The following EIF3H variants were observed in gnomAD, a reference collection of about 807,000 sequenced individuals.
EIF3H encodes eukaryotic translation initiation factor 3 subunit H, also known as eIF-3-gamma.
A neutral mutation model predicts 44.2 loss-of-function variants in EIF3H; 26 were observed. The ratio of observed to expected loss-of-function variants is 0.59; its 90% CI spans 0.43 to 0.82. The LOEUF is 0.82. Ranked by LOEUF, EIF3H falls within the 40% of genes least tolerant of loss-of-function variation. EIF3H has a pLI of 0.00. For synonymous variants in EIF3H, 166 were observed against 151.9 expected (o/e 1.09, Z -0.68); for missense variants, 359 against 432.8 (o/e 0.83, Z 1.51).
intron 2 of EIF3H, among the ~76,000 whole-genome samples, chr8:116,698,482 G>A (rs2130875164): frequency 6.6e-6 from 1 of 152,260 alleles, no homozygotes; most frequent in East Asian, 1.9e-4. Flanking sequence ...TCTTAAAACA[G>A]ATCTAAATAA....
intron 2 of EIF3H, among the ~76,000 whole-genome samples, chr8:116,662,464 A>C (rs1813599865): frequency 6.6e-6 from 1 of 152,184 alleles, no homozygotes; most frequent in African/African-American, 2.4e-5. Context: ...CTTTGATGTA[A>C]TAAGGTAAAA....
At chr8:116,745,087 C>G (rs1815209315) in intron 1 of EIF3H, among the ~76,000 whole-genome samples, 1 of 152,094 alleles carries the variant, frequency 6.6e-6, no homozygotes, top group African/African-American at 2.4e-5. Flanking sequence ...GACAAGAAGG[C>G]AAAAGATAAA....
chr8:116,740,053 T>C (rs981942506), intron 1 of EIF3H, among the ~76,000 whole-genome samples: 3 of 152,190 alleles, frequency 2.0e-5, no homozygotes, highest in Non-Finnish European at 2.9e-5. Flanking sequence ...CAAACTACTA[T>C]AATAAAAGTT....
chr8:116,665,536 AAAGC>A (rs1438899046), intron 2 of EIF3H, among the ~76,000 whole-genome samples: 1 of 152,210 alleles, frequency 6.6e-6, no homozygotes, highest in Non-Finnish European at 1.5e-5. Context: ...AATAGCTTAA[AAAGC>A]AAGCAAACAA....
At chr8:116,730,756 G>T (rs200122812) in intron 1 of EIF3H, among the ~76,000 whole-genome samples, 2 of 152,142 alleles carry the variant, frequency 1.3e-5, no homozygotes, top group Non-Finnish European at 2.9e-5. Flanking sequence ...ACCTAACACA[G>T]ATACTGGCAC....
At chr8:116,648,753 A>C (rs1813344630) in intron 6 of EIF3H, 53 bp downstream of exon 6, 6 of 1,528,602 alleles carry the variant, frequency 3.9e-6, no homozygotes, top group Non-Finnish European at 5.3e-6. Context: ...ATGACTCTTG[A>C]AATACATGAA....
At chr8:116,740,108 G>A (rs1416248981) in intron 1 of EIF3H, among the ~76,000 whole-genome samples, 1 of 152,190 alleles carries the variant, frequency 6.6e-6, no homozygotes, top group Admixed American at 6.5e-5. Context: ...GTGCAGACCA[G>A]TGTTCCCAAA....
intron 2 of EIF3H, among the ~76,000 whole-genome samples, chr8:116,686,764 C>T (rs771330954): frequency 3.4e-4 from 51 of 151,812 alleles, no homozygotes; most frequent in African/African-American, 1.1e-3. Context: ...CTAGGTTTTG[C>T]GGGATGGGCA....
chr8:116,671,822 T>C (rs1027234017), intron 2 of EIF3H, among the ~76,000 whole-genome samples: 3 of 152,202 alleles, frequency 2.0e-5, no homozygotes, highest in African/African-American at 7.2e-5. Context: ...CACCAAAAAA[T>C]TGAGCTTGGA....
At chr8:116,689,334 G>A (rs1405608086) in intron 2 of EIF3H, among the ~76,000 whole-genome samples, 2 of 152,086 alleles carry the variant, frequency 1.3e-5, no homozygotes, top group South Asian at 2.1e-4. Context: ...TGACGCTAGC[G>A]ATGGATGCAC....
intron 1 of EIF3H, among the ~76,000 whole-genome samples, chr8:116,750,054 G>A (rs1322863013): frequency 6.6e-6 from 1 of 152,292 alleles, no homozygotes; most frequent in Non-Finnish European, 1.5e-5. Context: ...GACTGAGAAT[G>A]GTCATGAGAG....
intron 2 of EIF3H, among the ~76,000 whole-genome samples, chr8:116,686,723 GA>G (rs1313866617): frequency 6.6e-6 from 1 of 152,104 alleles, no homozygotes; most frequent in African/African-American, 2.4e-5. Flanking sequence ...GGGGAATTAG[GA>G]AAGGCTTTGC....
upstream of EIF3H, chr8:116,755,987 T>C (rs1383857595): frequency 6.5e-7 from 1 of 1,536,254 alleles, no homozygotes; most frequent in Admixed American, 2.0e-5. Context: ...GCATGCCTAC[T>C]GTACATTTTC....
At chr8:116,726,918 A>G (rs1814851974) in intron 1 of EIF3H, among the ~76,000 whole-genome samples, 1 of 152,238 alleles carries the variant, frequency 6.6e-6, no homozygotes, top group Non-Finnish European at 1.5e-5. Flanking sequence ...ATATATGTAA[A>G]GTGTTTTATA....
chr8:116,756,101 T>G, upstream of EIF3H: 1 of 1,169,072 alleles, frequency 8.6e-7, no homozygotes, highest in Non-Finnish European at 1.2e-6. Flanking sequence ...TTCGCATTAT[T>G]TCTGTAGTGT....
chr8:116,744,461 A>G (rs1815198452), intron 1 of EIF3H, among the ~76,000 whole-genome samples: 1 of 152,230 alleles, frequency 6.6e-6, no homozygotes, highest in Non-Finnish European at 1.5e-5. Context: ...TGGTACCAAC[A>G]TTAACAAGAA....
intron 2 of EIF3H, among the ~76,000 whole-genome samples, chr8:116,664,934 G>A (rs1813644251): frequency 6.6e-6 from 1 of 151,128 alleles, no homozygotes; most frequent in Non-Finnish European, 1.5e-5. Context: ...CACTTAGTGA[G>A]CACTTATTAT....
intron 2 of EIF3H, among the ~76,000 whole-genome samples, chr8:116,672,313 T>C (rs1335907406): frequency 6.6e-6 from 1 of 151,926 alleles, no homozygotes; most frequent in Non-Finnish European, 1.5e-5. Context: ...TAACCTGAAA[T>C]GAAAAGAAAA....
At position 116,644,169 on chromosome 8, in the gene EIF3H, C is replaced by T. The variant is rs1813263126; in HGVS notation, c.*837G>A. On this transcript the variant is annotated 3_prime_UTR_variant, in exon 8 of 8. Coordinates refer to ENST00000521861, the MANE Select transcript of EIF3H (RefSeq NM_003756.3). Reference sequence around the variant, plus strand: ...CTTTGGGAGACAGAAGCAGGTGAATCACTTGAGGTCAGGAGATGCAGACCA... The same window carrying T: ...CTTTGGGAGACAGAAGCAGGTGAATTACTTGAGGTCAGGAGATGCAGACCA... 1 of 152,230 alleles carries T rather than the reference C, an allele frequency of 6.6e-6. No individual in the cohort carries two copies. Among genetic ancestry groups the T allele is most frequent in the Non-Finnish European group, 1.5e-5 (1 of 68,132 alleles). The allele number at this position is 152,230 out of a possible 1,614,324, so 9.4% of individuals were successfully genotyped here. A position where few individuals can be genotyped will look rare whatever the true frequency, so the allele number is the denominator to read the frequency against.
Sources: allele counts gnomAD v4.1 joint callset (sites outside exome capture counted in the v4.1 genomes callset), GRCh38; gene constraint gnomAD v4.1.1; transcripts MANE v1.5; gene names NCBI Gene and HGNC (gene_info 2026-07-23, HGNC 2026-07-21).